Variants in KCNMB3 observed in about 807,000 individuals in gnomAD.
KCNMB3 encodes potassium calcium-activated channel subfamily M regulatory beta subunit 3.
In KCNMB3, 18 loss-of-function variants were observed where a neutral mutation model predicts 11.9. The ratio of observed to expected loss-of-function variants is 1.51; its 90% CI spans 1.04 to 2.23. The LOEUF is 2.23. Among genes scored for constraint, KCNMB3 ranks in the 30% most tolerant of loss-of-function variants. KCNMB3 has a pLI of 0.00. For missense variants in KCNMB3, 247 were observed against 329.4 expected, an observed-to-expected ratio of 0.75 and a Z score of 1.94; for synonymous variants, 78 against 119.2, an observed-to-expected ratio of 0.65 and a Z score of 2.25.
chr3:179,250,935 C>T lies in KCNMB3; in HGVS notation c.56G>A (p.Arg19Lys), dbSNP rs1461205737. The T allele has an allele frequency of 6.2e-7, 1 of 1,613,974 alleles. No homozygotes were observed. The highest frequency in any genetic ancestry group is 8.5e-7 in the Non-Finnish European group (1 of 1,180,028). Residue 19 changes from arginine (R) to lysine (K), a missense_variant, in exon 1 of 3, where the codon AGG (arginine) becomes AAG (lysine). Arg to Lys is a conservative substitution (Grantham distance 26). This residue lies in a region of KCNMB3 where 160 missense variants were observed against 157.5 expected (regional missense o/e 1.02). Coordinates refer to ENST00000392685, the MANE Select transcript of KCNMB3 (RefSeq NM_171830.2). The part of the protein sequence containing the change: ...TAVSPSPFPQ[R>K]TAFPASGKKR... ...CTTCCCTGAGGCAGGAAAGGCTGTC[C>T]TTTGGGGAAAGGGAGAAGGAGATAC... is the stretch of plus-strand genomic sequence containing the variant.
chr3:179,260,962 G>C, intron 1 of KCNMB3: 1 of 1,038,200 alleles, frequency 9.6e-7, no homozygotes. Context: ...GAGAGTCCTT[G>C]ATTTCCCTGA....
chr3:179,244,391 T>C (rs372389779), intron 2 of KCNMB3, 104 bp downstream of exon 2: 15 of 869,484 alleles, frequency 1.7e-5, no homozygotes, highest in Admixed American at 4.4e-5. Context: ...TCCAAAAAAA[T>C]AGATTTATCC....
chr3:179,259,345 C>T, intron 1 of KCNMB3: 9 of 1,564,306 alleles, frequency 5.8e-6, no homozygotes, highest in Non-Finnish European at 7.8e-6. Context: ...TTATCTTTTG[C>T]AACACCTTCA....
intron 1 of KCNMB3, chr3:179,259,807 C>A: frequency 6.2e-7 from 1 of 1,604,268 alleles, no homozygotes; most frequent in South Asian, 1.1e-5. Context: ...TCTTTCATAT[C>A]TGAGGGTTCA....
intron 1 of KCNMB3, among the ~76,000 whole-genome samples, chr3:179,249,650 C>G (rs994684542): frequency 6.6e-6 from 1 of 151,856 alleles, no homozygotes; most frequent in Non-Finnish European, 1.5e-5. Flanking sequence ...TCCAGCCTGG[C>G]GACAGAGCAA....
intron 1 of KCNMB3, chr3:179,259,441 C>T (rs1158769272): frequency 3.7e-6 from 6 of 1,611,542 alleles, no homozygotes; most frequent in Non-Finnish European, 5.1e-6. Flanking sequence ...GCTAGTACCT[C>T]CTCAGCTGCT....
chr3:179,247,043 C>A (rs1438042754), intron 1 of KCNMB3, among the ~76,000 whole-genome samples: 2 of 152,146 alleles, frequency 1.3e-5, no homozygotes, highest in African/African-American at 2.4e-5. Flanking sequence ...AACTACCACC[C>A]TTTATGGAGC....
At chr3:179,246,092 G>A (rs112137860) in intron 1 of KCNMB3, among the ~76,000 whole-genome samples, 12 of 152,280 alleles carry the variant, frequency 7.9e-5, no homozygotes, top group African/African-American at 2.6e-4. Flanking sequence ...TAATAAGTTA[G>A]ATTAGCAAGC....
chr3:179,258,190 A>T (rs1202017225), intron 1 of KCNMB3, among the ~76,000 whole-genome samples: 2 of 152,188 alleles, frequency 1.3e-5, no homozygotes, highest in African/African-American at 2.4e-5. Context: ...CCGGCCAAAA[A>T]CATTTAAAAA....
At chr3:179,251,667 A>AT, upstream of KCNMB3, 1 of 1,237,286 alleles carries the variant, frequency 8.1e-7, no homozygotes. Flanking sequence ...ACCGGTGGGC[A>AT]TGGCGGCATC....
chr3:179,267,042 G>GCC (rs1203511217), upstream of KCNMB3: 23 of 601,388 alleles, frequency 3.8e-5, no homozygotes, highest in Non-Finnish European at 4.9e-5. Flanking sequence ...CGCCTCGGCA[G>GCC]CCGGGAGCAT....
chr3:179,260,872 G>C, intron 1 of KCNMB3: 1 of 1,157,684 alleles, frequency 8.6e-7, no homozygotes, highest in South Asian at 1.3e-5. Context: ...TGTCAACTTG[G>C]TAAATGAAGT....
chr3:179,259,825 T>A (rs543889065), intron 1 of KCNMB3: 1 of 1,605,036 alleles, frequency 6.2e-7, no homozygotes, highest in East Asian at 2.2e-5. Flanking sequence ...TCACTTTGAG[T>A]GTCTACTGTA....
intron 1 of KCNMB3, among the ~76,000 whole-genome samples, chr3:179,262,620 A>T (rs1021313696): frequency 3.3e-5 from 5 of 152,206 alleles, no homozygotes; most frequent in Non-Finnish European, 2.9e-5. Context: ...GGCCCCACCC[A>T]CATCCTGCTG....
intron 1 of KCNMB3, chr3:179,266,613 T>G: frequency 6.2e-7 from 1 of 1,612,622 alleles, no homozygotes; most frequent in East Asian, 2.2e-5. Context: ...TTCAGCCAGA[T>G]TCCCACTACC....
chr3:179,247,176 T>G (rs932766699), intron 1 of KCNMB3, among the ~76,000 whole-genome samples: 1 of 152,094 alleles, frequency 6.6e-6, no homozygotes, highest in Non-Finnish European at 1.5e-5. Context: ...AAAGTAAAAC[T>G]TAATTATGAG....
chr3:179,254,119 C>A (rs1254433223), upstream of KCNMB3, among the ~76,000 whole-genome samples: 3 of 152,168 alleles, frequency 2.0e-5, no homozygotes, highest in South Asian at 2.1e-4. Context: ...GGACAGGAGA[C>A]AATGTCCAGG....
At chr3:179,241,185 G>C (rs1247884758), downstream of KCNMB3, 1 of 152,006 alleles carries the variant, frequency 6.6e-6, no homozygotes, top group South Asian at 2.1e-4. Flanking sequence ...ACTGCTACTA[G>C]ATGCTAGAAG....
At chr3:179,266,964 T>A in exon 1 of KCNMB3, 4 of 1,279,510 alleles carry the variant, frequency 3.1e-6, no homozygotes, top group Non-Finnish European at 3.0e-6. Context: ...ACCTGCGTGG[T>A]TTGCTGCAGC....
Sources: gnomAD v4.1 joint callset for allele counts (sites outside exome capture counted in the v4.1 genomes callset) on GRCh38, gnomAD v4.1.1 for gene constraint, gnomAD v4.1.1 regional missense constraint, MANE v1.5 for transcripts, NCBI Gene and HGNC (gene_info 2026-07-23, HGNC 2026-07-21) for gene names.